FER: variants seen among roughly 807,000 people sequenced by gnomAD.
The protein encoded by FER is FER tyrosine kinase, also known as tyrosine-protein kinase Fer.
FER carries 63 observed loss-of-function variants against 111.0 expected under a neutral mutation model. That is an observed-to-expected ratio of 0.57 (90% CI 0.46 to 0.70). The LOEUF (loss-of-function observed/expected upper bound fraction) is 0.70, where lower values mean the gene tolerates loss of function less well. Ranked by LOEUF, FER falls within the 30% of genes least tolerant of loss-of-function variation. FER has a pLI of 0.00. For synonymous variants in FER, 327 were observed against 313.9 expected (o/e 1.04, Z -0.44); for missense variants, 914 against 954.0 (o/e 0.96, Z 0.55).
intron 10 of FER, among the ~76,000 whole-genome samples, chr5:108,934,449 T>C (rs1755163054): frequency 6.6e-6 from 1 of 152,188 alleles, no homozygotes; most frequent in Non-Finnish European, 1.5e-5. Flanking sequence ...CACACTTATT[T>C]TTAATGTTAA....
At chr5:108,853,698 A>G (rs879384548) in intron 5 of FER, among the ~76,000 whole-genome samples, 1 of 152,188 alleles carries the variant, frequency 6.6e-6, no homozygotes. Flanking sequence ...GCATGGAGGT[A>G]TGAGATGAGG....
intron 13 of FER, among the ~76,000 whole-genome samples, chr5:108,985,426 T>A (rs1399862585): frequency 6.6e-6 from 1 of 152,130 alleles, no homozygotes; most frequent in Non-Finnish European, 1.5e-5. Context: ...TTTTAAAAGT[T>A]TTTTTTTCTC....
intron 13 of FER, among the ~76,000 whole-genome samples, chr5:109,032,769 A>G (rs761494419): frequency 1.1e-4 from 16 of 152,212 alleles, no homozygotes; most frequent in Non-Finnish European, 1.9e-4. Flanking sequence ...TCTTACAGTG[A>G]TTACCAAAGT....
In FER at chr5:109,190,708, G is replaced by C. The variant is rs1336497107; in HGVS notation, c.*3133G>C. On this transcript the variant is annotated 3_prime_UTR_variant, in exon 20 of 20. Coordinates refer to ENST00000281092, the MANE Select transcript of FER (RefSeq NM_005246.4). Reference sequence around the variant, plus strand: ...CCTGCCATGAGGTCTCCAGTGAGAGGTCTCCAGTGAAAGGTCTCATGTAAT... The same window carrying C: ...CCTGCCATGAGGTCTCCAGTGAGAGCTCTCCAGTGAAAGGTCTCATGTAAT... 4 of 152,122 alleles carry C rather than the reference G, an allele frequency of 2.6e-5. No homozygotes were observed. The highest frequency in any genetic ancestry group is 9.7e-5 in the African/African-American group (4 of 41,444). The allele number at this position is 152,122 out of a possible 1,614,324, so 9.4% of individuals were successfully genotyped here.
At chr5:108,990,016 G>A (rs1463280815) in intron 13 of FER, among the ~76,000 whole-genome samples, 1 of 151,756 alleles carries the variant, frequency 6.6e-6, no homozygotes, top group Admixed American at 6.6e-5. Flanking sequence ...GTACTTACTA[G>A]ATACTCAGTA....
chr5:109,152,901 T>C (rs1755005060), intron 17 of FER, among the ~76,000 whole-genome samples: 1 of 151,978 alleles, frequency 6.6e-6, no homozygotes, highest in Non-Finnish European at 1.5e-5. Flanking sequence ...AGATATTTTA[T>C]TGAGCTTTAA....
At chr5:109,075,298 A>G (rs766563158) in intron 16 of FER, among the ~76,000 whole-genome samples, 6 of 152,190 alleles carry the variant, frequency 3.9e-5, no homozygotes, top group Admixed American at 6.6e-5. Flanking sequence ...TAAGCATGGT[A>G]TGTTAATTAC....
At chr5:108,826,858 T>C (rs905389738) in intron 3 of FER, among the ~76,000 whole-genome samples, 2 of 152,230 alleles carry the variant, frequency 1.3e-5, no homozygotes, top group Non-Finnish European at 2.9e-5. Context: ...TAGCACCTTG[T>C]TCTTTGCAGA....
intron 2 of FER, among the ~76,000 whole-genome samples, chr5:108,786,145 A>C (rs1269980671): frequency 6.6e-6 from 1 of 152,230 alleles, no homozygotes. Flanking sequence ...AAAAGAGTTC[A>C]TTAAACATCC....
intron 16 of FER, chr5:109,052,241 A>C: frequency 6.2e-7 from 1 of 1,606,038 alleles, no homozygotes. Flanking sequence ...CGCACATGAG[A>C]GATTGGGAAA....
At chr5:109,163,157 G>A (rs1756174373) in intron 17 of FER, among the ~76,000 whole-genome samples, 1 of 151,982 alleles carries the variant, frequency 6.6e-6, no homozygotes, top group African/African-American at 2.4e-5. Flanking sequence ...AGTATGTTTT[G>A]TTCTAGCTTT....
intron 8 of FER, among the ~76,000 whole-genome samples, chr5:108,875,332 C>G (rs1405185143): frequency 6.6e-6 from 1 of 152,026 alleles, no homozygotes; most frequent in Non-Finnish European, 1.5e-5. Flanking sequence ...TCTGAGGTTA[C>G]TTTCTTTGTA....
intron 16 of FER, among the ~76,000 whole-genome samples, chr5:109,079,333 G>T (rs1307497572): frequency 2.0e-5 from 3 of 152,078 alleles, no homozygotes; most frequent in African/African-American, 7.2e-5. Flanking sequence ...ATGTTTATTG[G>T]GAGGGGTGGG....
At chr5:109,051,105 C>T (rs1041455929) in intron 16 of FER, among the ~76,000 whole-genome samples, 3 of 152,086 alleles carry the variant, frequency 2.0e-5, no homozygotes, top group Non-Finnish European at 2.9e-5. Context: ...CAATATGCAC[C>T]TCTCTTATCC....
intron 10 of FER, among the ~76,000 whole-genome samples, chr5:108,931,111 A>T (rs1754605280): frequency 6.6e-6 from 1 of 152,332 alleles, no homozygotes; most frequent in East Asian, 1.9e-4. Flanking sequence ...GAGGATAATA[A>T]CAGGACCTGC....
chr5:108,750,298 G>A (rs906184938), intron 1 of FER, among the ~76,000 whole-genome samples: 26 of 152,006 alleles, frequency 1.7e-4, no homozygotes, highest in African/African-American at 6.0e-4. Context: ...AAAATCTTTA[G>A]TGCAGTATTT....
rs1412481444 is a variant in FER at position 109,196,808 on chromosome 5, A to G, written c.*9233A>G. ...TGTGTCTGCAGAACCTCTTTATTGT[A>G]TTCCTATAATAAATGTAAAATATTT... On this transcript the variant is annotated 3_prime_UTR_variant, in exon 20 of 20. Coordinates refer to ENST00000281092, the MANE Select transcript of FER (RefSeq NM_005246.4). The G allele has an allele frequency of 6.6e-6, 1 of 152,040 alleles. No homozygotes were observed. Among genetic ancestry groups the G allele is most frequent in the Non-Finnish European group, 1.5e-5 (1 of 68,006 alleles). 9.4% of individuals were successfully genotyped at this position (152,040 alleles called of 1,614,324 possible).
intron 17 of FER, among the ~76,000 whole-genome samples, chr5:109,179,767 G>A (rs1306785735): frequency 6.6e-6 from 1 of 152,030 alleles, no homozygotes; most frequent in African/African-American, 2.4e-5. Context: ...AGGATCATGT[G>A]CATATGCAAA....
rs1759303039 is a variant in FER, at chr5:109,190,450, G to C, written c.*2875G>C. The C allele has an allele frequency of 1.3e-5, 2 of 152,052 alleles. No homozygotes were observed. The highest frequency in any genetic ancestry group is 2.9e-5 in the Non-Finnish European group (2 of 68,006). The allele number at this position is 152,052 out of a possible 1,614,324, so 9.4% of individuals were successfully genotyped here. A position where few individuals can be genotyped will look rare whatever the true frequency, so the allele number is the denominator to read the frequency against. On this transcript the variant is annotated 3_prime_UTR_variant, in exon 20 of 20. Transcript: ENST00000281092. ...GGGGAGGTAAACACAAGCAGTCTGT[G>C]TCTCACTGGTCACTAAGGGGCCTTT...
Sources: allele counts gnomAD v4.1 joint callset (sites outside exome capture counted in the v4.1 genomes callset), GRCh38; gene constraint gnomAD v4.1.1; transcripts MANE v1.5; gene names NCBI Gene and HGNC (gene_info 2026-07-23, HGNC 2026-07-21).